Variants in MYO3B observed in about 807,000 individuals in gnomAD.
The protein encoded by MYO3B is myosin-IIIb.
MYO3B carries 156 observed loss-of-function variants against 174.6 expected under a neutral mutation model. The observed-to-expected ratio is 0.89, with a 90% CI of 0.78 to 1.02. MYO3B has a LOEUF of 1.02. MYO3B is among the 50% of genes least tolerant of loss of function. The pLI, the probability that MYO3B is intolerant of heterozygous loss-of-function variation, is 0.00. For synonymous variants in MYO3B, 563 were observed against 569.1 expected (o/e 0.99, Z 0.15); for missense variants, 1,632 against 1,639.4 (o/e 1.00, Z 0.08).
intron 32 of MYO3B, among the ~76,000 whole-genome samples, chr2:170,635,151 A>G (rs1275360419): frequency 6.6e-6 from 1 of 152,222 alleles, no homozygotes; most frequent in Admixed American, 6.5e-5. Flanking sequence ...TACTATAAAG[A>G]CACATGCACA....
intron 1 of MYO3B, among the ~76,000 whole-genome samples, chr2:170,179,803 A>G (rs1361102655): frequency 6.6e-6 from 1 of 152,130 alleles, no homozygotes; most frequent in Non-Finnish European, 1.5e-5. Flanking sequence ...TTGCTTATGT[A>G]TTGGTTTGGA....
intron 23 of MYO3B, among the ~76,000 whole-genome samples, chr2:170,450,832 A>C (rs1408800137): frequency 6.6e-6 from 1 of 152,198 alleles, no homozygotes; most frequent in Non-Finnish European, 1.5e-5. Flanking sequence ...AAACCCTGCT[A>C]TTCAGACACA....
chr2:170,432,946 CAGTAAT>C (rs1177877552), intron 22 of MYO3B, among the ~76,000 whole-genome samples: 1 of 152,114 alleles, frequency 6.6e-6, no homozygotes, highest in Non-Finnish European at 1.5e-5. Flanking sequence ...CATTAGTGTA[CAGTAAT>C]GTACACTAAT....
intron 27 of MYO3B, 149 bp from the exon 28 acceptor site, chr2:170,501,636 A>G: frequency 3.5e-6 from 2 of 579,218 alleles, no homozygotes; most frequent in Non-Finnish European, 6.2e-6. Flanking sequence ...TTCTCGCCAT[A>G]GATCACATAC....
At chr2:170,271,544 C>T (rs984874915) in intron 7 of MYO3B, among the ~76,000 whole-genome samples, 3 of 152,182 alleles carry the variant, frequency 2.0e-5, no homozygotes, top group Admixed American at 6.5e-5. Context: ...TTAACCTCCT[C>T]CATCAGCTGC....
intron 7 of MYO3B, among the ~76,000 whole-genome samples, chr2:170,325,098 T>C (rs1346725164): frequency 6.6e-6 from 1 of 152,166 alleles, no homozygotes; most frequent in African/African-American, 2.4e-5. Flanking sequence ...TCCATCTCAG[T>C]AGAGGTAGCA....
At chr2:170,233,331 A>G (rs538084140) in intron 6 of MYO3B, among the ~76,000 whole-genome samples, 7 of 152,334 alleles carry the variant, frequency 4.6e-5, no homozygotes, top group African/African-American at 1.7e-4. Context: ...GGAAGGACAG[A>G]GTCTTATTTC....
At chr2:170,274,558 A>G (rs2093449349) in intron 7 of MYO3B, among the ~76,000 whole-genome samples, 1 of 152,166 alleles carries the variant, frequency 6.6e-6, no homozygotes, top group Non-Finnish European at 1.5e-5. Flanking sequence ...GGGCACCCAG[A>G]AAATTATTCT....
chr2:170,617,175 C>T (rs907427726), intron 32 of MYO3B, among the ~76,000 whole-genome samples: 6 of 152,088 alleles, frequency 3.9e-5, no homozygotes, highest in Non-Finnish European at 5.9e-5. Context: ...ACAGTAACAG[C>T]AATCAAGCCC....
In MYO3B at chr2:170,222,665, A is replaced by AGG. The variant is rs1301960999; in HGVS notation, c.603+5270_603+5271insGG. On this transcript the variant is annotated intron_variant, in intron 6 of 34. Transcript: ENST00000408978. ...GATTAGAGGCCCACCCTACTCCAGT[A>AGG]TGACCTCATCTGAATTCAACTAATT... is the stretch of plus-strand genomic sequence containing the variant. 5.3e-5 allele frequency among the ~76,000 whole-genome samples: 8 copies of AGG among 152,312 alleles called. No homozygotes were observed. The East Asian group carries it at 1.5e-3, about 29-fold the overall frequency.
At chr2:170,427,079 T>C (rs2105873932) in intron 22 of MYO3B, among the ~76,000 whole-genome samples, 2 of 152,196 alleles carry the variant, frequency 1.3e-5, no homozygotes, top group East Asian at 1.9e-4. Flanking sequence ...GTAACATCTA[T>C]AAGGAGCCAA....
intron 24 of MYO3B, among the ~76,000 whole-genome samples, chr2:170,465,220 T>C (rs923097526): frequency 1.3e-5 from 2 of 152,128 alleles, no homozygotes; most frequent in African/African-American, 4.8e-5. Flanking sequence ...CTCACGGTTC[T>C]GCAGGCTCCA....
At chr2:170,329,365 G>A (rs1214637215) in intron 7 of MYO3B, among the ~76,000 whole-genome samples, 1 of 150,874 alleles carries the variant, frequency 6.6e-6, no homozygotes, top group Non-Finnish European at 1.5e-5. Context: ...TAATGAGGAG[G>A]AATTTTGCTT....
At chr2:170,569,051 G>C (rs999762480) in intron 32 of MYO3B, among the ~76,000 whole-genome samples, 1 of 152,130 alleles carries the variant, frequency 6.6e-6, no homozygotes, top group African/African-American at 2.4e-5. Context: ...GGTAGGGGGA[G>C]AGAAAAACAA....
intron 21 of MYO3B, 149 bp from the exon 22 acceptor site, chr2:170,407,566 A>T: frequency 3.9e-6 from 1 of 256,586 alleles, no homozygotes; most frequent in African/African-American, 3.2e-5. Flanking sequence ...CATCATAATT[A>T]TTCCCTTTAT....
chr2:170,609,884 G>C (rs184879712), intron 32 of MYO3B, among the ~76,000 whole-genome samples: 24 of 152,368 alleles, frequency 1.6e-4, no homozygotes, highest in Admixed American at 4.6e-4. Context: ...GTGGGGAAAG[G>C]GGGGCCAGGC....
chr2:170,447,204 T>G (rs1381902390), intron 23 of MYO3B, among the ~76,000 whole-genome samples: 1 of 152,218 alleles, frequency 6.6e-6, no homozygotes, highest in African/African-American at 2.4e-5. Context: ...GGGGATAGCA[T>G]GTCCTTGACT....
chr2:170,420,371 T>C (rs1426916359), intron 22 of MYO3B, among the ~76,000 whole-genome samples: 1 of 152,110 alleles, frequency 6.6e-6, no homozygotes, highest in African/African-American at 2.4e-5. Flanking sequence ...GAGGGAAAAG[T>C]GAAATTGTTT....
intron 8 of MYO3B, among the ~76,000 whole-genome samples, chr2:170,338,334 A>C (rs1574811094): frequency 6.6e-6 from 1 of 152,200 alleles, no homozygotes; most frequent in Non-Finnish European, 1.5e-5. Context: ...TACTAGTTTA[A>C]GATGGAAATA....
Sources: allele counts gnomAD v4.1 joint callset (sites outside exome capture counted in the v4.1 genomes callset), GRCh38; gene constraint gnomAD v4.1.1; transcripts MANE v1.5; gene names NCBI Gene and HGNC (gene_info 2026-07-23, HGNC 2026-07-21).